Variants in DPH6 observed in about 807,000 individuals in gnomAD.
The protein encoded by DPH6 is diphthine--ammonia ligase.
In DPH6, 33 loss-of-function variants were observed where a neutral mutation model predicts 38.2. The observed-to-expected ratio is 0.86, with a 90% confidence interval of 0.65 to 1.15. The LOEUF is 1.15. Among genes scored for constraint, DPH6 ranks in the 50% most tolerant of loss-of-function variants. The pLI is 0.00. For synonymous variants in DPH6, 108 were observed against 103.0 expected (o/e 1.05, Z -0.30); for missense variants, 325 against 320.0 (o/e 1.02, Z -0.12).
chr15:35,269,573 A>G (rs2140425712), intron 3 of DPH6, among the ~76,000 whole-genome samples: 1 of 151,546 alleles, frequency 6.6e-6, no homozygotes, highest in African/African-American at 2.4e-5. Flanking sequence ...AGTAGCTGGG[A>G]CTACAGGCGC....
At chr15:35,446,588 G>A (rs2053857114) in intron 5 of DPH6, among the ~76,000 whole-genome samples, 1 of 152,104 alleles carries the variant, frequency 6.6e-6, no homozygotes, top group Admixed American at 6.5e-5. Context: ...AATATAGTAT[G>A]TAATACATAC....
chr15:35,388,796 C>T (rs1412694654), intron 6 of DPH6, among the ~76,000 whole-genome samples: 1 of 152,164 alleles, frequency 6.6e-6, no homozygotes. Context: ...AAACCAGCTC[C>T]TGGATTCACT....
chr15:35,266,372 T>C (rs1022461914), intron 3 of DPH6, among the ~76,000 whole-genome samples: 2 of 152,210 alleles, frequency 1.3e-5, no homozygotes, highest in African/African-American at 4.8e-5. Context: ...TCAGGTTAAG[T>C]ATTCAATTAG....
chr15:35,318,381 C>G (rs1376278164), intron 3 of DPH6, among the ~76,000 whole-genome samples: 1 of 152,032 alleles, frequency 6.6e-6, no homozygotes, highest in Non-Finnish European at 1.5e-5. Flanking sequence ...CAAATCCATA[C>G]AACCACCTCT....
At chr15:35,330,857 A>G (rs1230136012) in exon 4 of DPH6, 1 of 152,198 alleles carries the variant, frequency 6.6e-6, no homozygotes, top group Non-Finnish European at 1.5e-5. Context: ...GGGAAGAATA[A>G]AAGTAAAGAA....
chr15:35,495,295 G>A (rs906376243), intron 3 of DPH6, among the ~76,000 whole-genome samples: 4 of 152,074 alleles, frequency 2.6e-5, no homozygotes, highest in Non-Finnish European at 5.9e-5. Context: ...GACATTGTTC[G>A]CAGATACAAA....
At chr15:35,148,459 T>C in the DPH6 span, among the ~76,000 whole-genome samples, 1 of 152,240 alleles carries the variant, frequency 6.6e-6, no homozygotes, top group Non-Finnish European at 1.5e-5. Flanking sequence ...AATATTTCAA[T>C]GGATTCTAAT....
intron 3 of DPH6, among the ~76,000 whole-genome samples, chr15:35,272,984 G>GC (rs1297933126): frequency 6.6e-6 from 1 of 151,198 alleles, no homozygotes; most frequent in African/African-American, 2.4e-5. Context: ...TGATATACCA[G>GC]CCCCCCTTTG....
chr15:35,469,679 T>C (rs1489474051), intron 3 of DPH6, among the ~76,000 whole-genome samples: 1 of 152,192 alleles, frequency 6.6e-6, no homozygotes, highest in Admixed American at 6.5e-5. Flanking sequence ...CTGAATCTTA[T>C]GTGCCTTTAG....
intron 3 of DPH6, among the ~76,000 whole-genome samples, chr15:35,221,835 T>G (rs1231559441): frequency 6.6e-6 from 1 of 152,232 alleles, no homozygotes; most frequent in Non-Finnish European, 1.5e-5. Flanking sequence ...AAATTCCATC[T>G]TTAAATCACT....
chr15:35,379,368 G>A lies in DPH6; in HGVS notation c.662+2454C>T, dbSNP rs949649782. ...TAGGATTCCTAATAAATGATTAGTT[G>A]CGTGCTAATAGTGGCAGACAATTAT... is the stretch of plus-strand genomic sequence containing the variant. On this transcript the variant is annotated intron_variant, in intron 7 of 8. Transcript: ENST00000256538. Among the ~76,000 whole-genome samples, 12 of 152,166 alleles carry A rather than the reference G, an allele frequency of 7.9e-5. 1 individual carries two copies. Among genetic ancestry groups the A allele is most frequent in the Admixed American group, 2.6e-4 (4 of 15,278 alleles).
intron 3 of DPH6, chr15:35,521,091 A>C: frequency 1.0e-6 from 1 of 985,268 alleles, no homozygotes; most frequent in Non-Finnish European, 1.2e-6. Flanking sequence ...AGTTATTTTC[A>C]GCCAATAAAA....
Position 35,381,851 on chromosome 15 carries a change from A to G in DPH6, c.633T>C (p.Asp211=). The change falls in exon 7 of 9, where the codon GAT becomes GAC. Residue 211 remains aspartate (D), a synonymous_variant. Transcript: ENST00000256538. ...TTATTTTCTTCTTAAATAGAGGGCA[A>G]TCCAAAGTGAAAGTTTCATACTCTC... is the stretch of plus-strand genomic sequence containing the variant. ...EGGEYETFTL[D]CPLFKKKIIV... 1 of 1,613,538 alleles carries G rather than the reference A, an allele frequency of 6.2e-7. No individual in the cohort carries two copies.
chr15:35,264,078 CAT>C (rs1479399847), intron 3 of DPH6, among the ~76,000 whole-genome samples: 2 of 145,164 alleles, frequency 1.4e-5, no homozygotes, highest in African/African-American at 4.9e-5. Context: ...AAAATTCACT[CAT>C]ATGGATTTAA....
At chr15:35,225,690 G>A (rs555631348) in intron 3 of DPH6, among the ~76,000 whole-genome samples, 2 of 152,160 alleles carry the variant, frequency 1.3e-5, no homozygotes, top group Non-Finnish European at 1.5e-5. Context: ...TTAAGCTATC[G>A]TATTTTGAAA....
intron 3 of DPH6, among the ~76,000 whole-genome samples, chr15:35,314,085 A>C (rs1180788756): frequency 6.6e-6 from 1 of 151,808 alleles, no homozygotes. Context: ...TAAGGAGCTC[A>C]AACAACTCAA....
At chr15:35,219,737 G>C (rs773141084) in exon 4 of DPH6, 1 of 152,102 alleles carries the variant, frequency 6.6e-6, no homozygotes, top group African/African-American at 2.4e-5. Flanking sequence ...GGGAGTAGCT[G>C]TTCAGTTTCT....
At chr15:35,397,859 T>TTTTA (rs1555398532) in intron 6 of DPH6, among the ~76,000 whole-genome samples, 1 of 112,510 alleles carries the variant, frequency 8.9e-6, no homozygotes, top group Non-Finnish European at 1.8e-5. Flanking sequence ...TGGAATCAAT[T>TTTTA]TATATATATA....
At chr15:35,232,149 A>G (rs2051522288) in intron 3 of DPH6, among the ~76,000 whole-genome samples, 2 of 152,220 alleles carry the variant, frequency 1.3e-5, no homozygotes, top group Non-Finnish European at 2.9e-5. Flanking sequence ...ACAAGGCTCA[A>G]TGTATTGGCT....
Sources: gnomAD v4.1 joint callset for allele counts (sites outside exome capture counted in the v4.1 genomes callset) on GRCh38, gnomAD v4.1.1 for gene constraint, MANE v1.5 for transcripts, NCBI Gene and HGNC (gene_info 2026-07-23, HGNC 2026-07-21) for gene names.